NRXN2: variants seen among roughly 807,000 people sequenced by gnomAD.
NRXN2 encodes the protein neurexin-2-beta.
A neutral mutation model predicts 128.8 loss-of-function variants in NRXN2; 29 were observed. That is an observed-to-expected ratio of 0.23 (90% confidence interval 0.17 to 0.31). The LOEUF is 0.31. Ranked by LOEUF, NRXN2 falls within the 10% of genes least tolerant of loss-of-function variation. The pLI, the probability that NRXN2 is intolerant of heterozygous loss-of-function variation, is 1.00. For synonymous variants in NRXN2, 1,098 were observed against 1,075.2 expected, an observed-to-expected ratio of 1.02 and a Z score of -0.41; for missense variants, 1,881 against 2,452.6, an observed-to-expected ratio of 0.77 and a Z score of 4.92.
intron 2 of NRXN2, among the ~76,000 whole-genome samples, chr11:64,712,236 A>T: frequency 9.0e-6 from 1 of 111,586 alleles, no homozygotes; most frequent in Non-Finnish European, 1.9e-5. Flanking sequence ...GGCCTTCCAC[A>T]CAGACCCCAC....
At chr11:64,613,009 G>A (rs183969739) in intron 22 of NRXN2, among the ~76,000 whole-genome samples, 4 of 152,340 alleles carry the variant, frequency 2.6e-5, no homozygotes, top group African/African-American at 7.2e-5. Context: ...TCACCTGTGC[G>A]AGCAGAGAGC....
chr11:64,648,313 C>G lies in NRXN2; in HGVS notation c.3309G>C (p.Glu1103Asp). 1 of 1,614,236 alleles carries G rather than the reference C, an allele frequency of 6.2e-7. No individual in the cohort carries two copies. Among genetic ancestry groups the G allele is most frequent in the South Asian group, 1.1e-5 (1 of 91,088 alleles). Residue 1103 changes from glutamate (E) to aspartate (D), a missense_variant, in exon 17 of 23, where the codon GAG (glutamate) becomes GAC (aspartate). Around this residue, in one of 7 missense-constraint regions of NRXN2, gnomAD observed 390 missense variants for 599.6 expected, o/e 0.65. Transcript: ENST00000265459. The surrounding 1 kb of genome is among the most constrained non-coding windows in gnomAD (Gnocchi z 4.1). The part of the protein sequence containing the change: ...CDGPSTTCTE[E>D]SCANQGVCLQ... ...AGCAGACGCCCTGGTTGGCACAGGA[C>G]TCTTCAGTGCAGGTGGTGCTGGGGC...
chr11:64,625,302 C>T (rs1353104982), intron 20 of NRXN2, among the ~76,000 whole-genome samples: 1 of 152,206 alleles, frequency 6.6e-6, no homozygotes, highest in Non-Finnish European at 1.5e-5. Context: ...GAGGAAGCCA[C>T]AGTGTTAGCA....
At chr11:64,685,356 G>A (rs913899425) in intron 6 of NRXN2, among the ~76,000 whole-genome samples, 3 of 151,898 alleles carry the variant, frequency 2.0e-5, no homozygotes, top group Non-Finnish European at 4.4e-5. Context: ...CCCATCCCTC[G>A]AGAGCCCAGC....
In NRXN2 at chr11:64,607,694, AG is replaced by A; in HGVS notation, c.4640del (p.Pro1547LeufsTer19). 3 of 1,541,752 alleles carry A rather than the reference AG, an allele frequency of 1.9e-6. No individual in the cohort carries two copies. Among genetic ancestry groups the A allele is most frequent in the Admixed American group, 2.0e-5 (1 of 50,962 alleles). ...NLRTDGATGA[P>X]GVLFAPSAPA... ...GGGCGGAGGGGGCAAACAGCACCCC[AG>A]GGGCGCCCGTGGCCCCATCTGTCCT... On this transcript the variant is annotated frameshift_variant, in exon 23 of 23. Transcript: ENST00000265459. LOFTEE classifies it low-confidence loss of function (END_TRUNC).
chr11:64,653,266 G>A (rs1054138468), intron 12 of NRXN2, among the ~76,000 whole-genome samples: 4 of 151,926 alleles, frequency 2.6e-5, no homozygotes, highest in South Asian at 2.1e-4. Context: ...TGCATCCCTC[G>A]CCTTCCCCCT....
intron 21 of NRXN2, among the ~76,000 whole-genome samples, chr11:64,621,723 A>G (rs2042376303): frequency 6.6e-6 from 1 of 152,178 alleles, no homozygotes; most frequent in African/African-American, 2.4e-5. Flanking sequence ...GCTGCCAGAC[A>G]GGGCGATGGG....
In NRXN2 at chr11:64,632,084, G is replaced by C. The variant is rs931015458; in HGVS notation, c.3586-1511C>G. On this transcript the variant is annotated intron_variant, in intron 18 of 22. Coordinates refer to ENST00000265459, the MANE Select transcript of NRXN2 (RefSeq NM_015080.4). This position sits in a 1 kb window ranked among gnomAD's most constrained non-coding sequence, Gnocchi z 4.2. ...TGCATCTAGCAGAGCCGAGAGGCTT[G>C]GTGGCACTGGGGGTGTTGGCAGGGG... Among the ~76,000 whole-genome samples the C allele has an allele frequency of 1.3e-5, 2 of 152,224 alleles. No homozygotes were observed. The highest frequency in any genetic ancestry group is 4.8e-5 in the African/African-American group (2 of 41,442).
chr11:64,608,888 A>G (rs188392057), intron 22 of NRXN2, among the ~76,000 whole-genome samples: 3 of 152,074 alleles, frequency 2.0e-5, no homozygotes, highest in Admixed American at 2.0e-4. Flanking sequence ...AGGAGGGCTT[A>G]GAGAGTAGGG....
In NRXN2 at chr11:64,700,325, G is replaced by A. The variant is rs75758799; in HGVS notation, c.731-2533C>T. Among the ~76,000 whole-genome samples, 73 of 152,204 alleles carry A rather than the reference G, an allele frequency of 4.8e-4. No individual in the cohort carries two copies. The East Asian group carries it at 0.013, about 28-fold the overall frequency. On this transcript the variant is annotated intron_variant, in intron 2 of 22. Transcript: ENST00000265459. ...AAACTCCACCACTGAAGCCATTCTC[G>A]ACACCTCCACTCCTACAACCAAGTG...
At position 64,660,292 on chromosome 11, in the gene NRXN2, G is replaced by A; in HGVS notation, c.2389+40C>T. ...GAGGCAGGTGTGGGTCAGAGACAAG[G>A]CCAGGTGAGGGGTCAGGAAGCACAG... On this transcript the variant is annotated intron_variant, in intron 11 of 22. Coordinates refer to ENST00000265459, the MANE Select transcript of NRXN2 (RefSeq NM_015080.4). This position sits in a 1 kb window ranked among gnomAD's most constrained non-coding sequence, Gnocchi z 5.2. 1 of 1,601,576 alleles carries A rather than the reference G, an allele frequency of 6.2e-7. No individual in the cohort carries two copies. Among genetic ancestry groups the A allele is most frequent in the Non-Finnish European group, 8.5e-7 (1 of 1,170,220 alleles).
Position 64,611,086 on chromosome 11 carries a change from A to G in NRXN2, c.4253-3004T>C, listed in dbSNP as rs555867200. The stretch of plus-strand genomic sequence containing the variant: ...GGGAAGGGCCAACGGCCCGGGTCCT[A>G]TCTGTCTCCCTAACCTCCAGCAGTG... On this transcript the variant is annotated intron_variant, in intron 22 of 22. Transcript: ENST00000265459. Among the ~76,000 whole-genome samples the G allele has an allele frequency of 3.3e-5, 5 of 152,310 alleles. No homozygotes were observed. The South Asian group carries it at 1.0e-3, about 32-fold the overall frequency.
At chr11:64,674,273 C>T (rs1470458956) in intron 7 of NRXN2, among the ~76,000 whole-genome samples, 2 of 152,132 alleles carry the variant, frequency 1.3e-5, no homozygotes, top group Non-Finnish European at 2.9e-5. Flanking sequence ...TCACTGCAAC[C>T]TCCGCTTCCC....
In NRXN2 at chr11:64,608,380, G is replaced by C. The variant is rs973972781; in HGVS notation, c.4253-298C>G. ...AAGGAAAGGAAATTGAAAAGAAACA[G>C]AAAAAAAAACTCTACTGGTTTAAGG... On this transcript the variant is annotated intron_variant, in intron 22 of 22. Transcript: ENST00000265459. Among the ~76,000 whole-genome samples the C allele has an allele frequency of 3.7e-4, 54 of 146,094 alleles. 1 individual carries two copies. Among genetic ancestry groups the C allele is most frequent in the African/African-American group, 1.4e-3 (54 of 39,988 alleles).
At position 64,635,279 on chromosome 11, in the gene NRXN2, G is replaced by A. The variant is rs1410599721; in HGVS notation, c.3577C>T (p.Leu1193=). Residue 1193 remains leucine, a synonymous_variant, in exon 18 of 23, where the codon CTG becomes TTG. Transcript: ENST00000265459. This position sits in a 1 kb window ranked among gnomAD's most constrained non-coding sequence, Gnocchi z 4.8. The part of the protein sequence containing the change: ...SASGLGDYLQ[L]HIDQGTVGVI... ...GGGCCCAGGGTCCTTACGATGTGCA[G>A]CTGCAGGTAGTCTCCAAGGCCGGAG... The A allele has an allele frequency of 6.2e-7, 1 of 1,612,584 alleles. No homozygotes were observed. The highest frequency in any genetic ancestry group is 1.3e-5 in the African/African-American group (1 of 74,898).
chr11:64,670,295 C>T (rs1189557090), intron 7 of NRXN2, among the ~76,000 whole-genome samples: 2 of 152,070 alleles, frequency 1.3e-5, no homozygotes, highest in Non-Finnish European at 1.5e-5. Context: ...TGGTCATTAT[C>T]GTTTATTTCT....
rs1050801973 is a variant in NRXN2, at chr11:64,630,690, G to C, written c.3586-117C>G. The C allele has an allele frequency of 8.3e-7, 1 of 1,199,128 alleles. No individual in the cohort carries two copies. The highest frequency in any genetic ancestry group is 1.5e-5 in the African/African-American group (1 of 66,676). 74.3% of individuals were successfully genotyped at this position (1,199,128 alleles called of 1,614,324 possible). A position where few individuals can be genotyped will look rare whatever the true frequency, so the allele number is the denominator to read the frequency against. On this transcript the variant is annotated intron_variant, in intron 18 of 22. Transcript: ENST00000265459. The surrounding 1 kb of genome is among the most constrained non-coding windows in gnomAD (Gnocchi z 4.6). ...CGCAGCACTTAAGGCACCTTTCCCA[G>C]GTCTCAACCGCTGGAGGAGGTGGGC...
intron 2 of NRXN2, among the ~76,000 whole-genome samples, chr11:64,711,231 C>A (rs1033879161): frequency 3.9e-5 from 6 of 152,248 alleles, no homozygotes; most frequent in Non-Finnish European, 8.8e-5. Context: ...CGCACACGTG[C>A]ACATGCACAC....
At chr11:64,701,459 C>CT (rs1258089228) in intron 2 of NRXN2, among the ~76,000 whole-genome samples, 1 of 152,212 alleles carries the variant, frequency 6.6e-6, no homozygotes, top group East Asian at 1.9e-4. Context: ...AAGTCAAGGG[C>CT]TAGCTACAAT....
Sources: gnomAD v4.1 joint callset for allele counts (sites outside exome capture counted in the v4.1 genomes callset) on GRCh38, gnomAD v4.1.1 for gene constraint, gnomAD v4.1.1 regional missense constraint, Gnocchi (gnomAD v3.1) non-coding constraint, MANE v1.5 for transcripts, NCBI Gene and HGNC (gene_info 2026-07-23, HGNC 2026-07-21) for gene names.